The following VPS8 variants were observed in gnomAD, a reference collection of about 807,000 sequenced individuals.
VPS8 encodes vacuolar protein sorting-associated protein 8 homolog.
Under a neutral mutation model 216.4 loss-of-function variants are expected in VPS8, and 129 were observed. The observed-to-expected ratio is 0.60, with a 90% CI of 0.52 to 0.69. The LOEUF (loss-of-function observed/expected upper bound fraction) is 0.69. Ranked by LOEUF, VPS8 falls within the 30% of genes least tolerant of loss-of-function variation. The pLI is 0.00. For synonymous variants in VPS8, 571 were observed against 565.4 expected (o/e 1.01, Z -0.14); for missense variants, 1,531 against 1,683.5 (o/e 0.91, Z 1.59).
In VPS8 at chr3:184,854,030, A is replaced by T. The variant is rs371409951; in HGVS notation, c.975+20A>T. The T allele has an allele frequency of 1.4e-3, 2,263 of 1,613,154 alleles. 2 individuals carry two copies. Among genetic ancestry groups the T allele is most frequent in the Non-Finnish European group, 1.4e-3 (1,687 of 1,179,424 alleles). On this transcript the variant is annotated intron_variant, in intron 12 of 47. Transcript: ENST00000625842. ...ACAAAAGTAAGTGTATTTAGAAGTT[A>T]AAACTCAGAACTTTTAGAAGCTTTG...
intron 46 of VPS8, among the ~76,000 whole-genome samples, chr3:185,044,719 G>A (rs1712475629): frequency 6.6e-6 from 1 of 152,066 alleles, no homozygotes; most frequent in East Asian, 1.9e-4. Context: ...TGAATCTCCT[G>A]CAGAGACTTT....
Position 184,870,725 on chromosome 3 carries a change from A to G in VPS8, c.1654A>G (p.Ile552Val), listed in dbSNP as rs1728178579. ...KAIVADRMVE[I>V]LFHYADRALK... The stretch of plus-strand genomic sequence containing the variant: ...GCTGTTTTCCTTACAGATGGTAGAA[A>G]TCCTATTCCATTATGCAGATCGAGC... Residue 552 changes from isoleucine (I) to valine (V), a missense_variant, in exon 21 of 48, where the codon ATC becomes GTC. Physicochemically the swap from Ile to Val is conservative, Grantham distance 29 (BLOSUM62 3). Coordinates refer to ENST00000625842, the MANE Select transcript of VPS8 (RefSeq NM_001009921.3). 6.2e-7 allele frequency: 1 copy of G among 1,611,358 alleles called. No individual in the cohort carries two copies. The highest frequency in any genetic ancestry group is 8.5e-7 in the Non-Finnish European group (1 of 1,178,616).
chr3:184,993,264 T>G (rs142821629), intron 42 of VPS8, among the ~76,000 whole-genome samples: 1,617 of 152,254 alleles, frequency 0.011, 31 homozygotes, highest in African/African-American at 0.036. Flanking sequence ...GAAACAAGAC[T>G]AGAGAAATAT....
chr3:184,954,344 G>A (rs1745217468), intron 36 of VPS8, among the ~76,000 whole-genome samples: 1 of 152,086 alleles, frequency 6.6e-6, no homozygotes, highest in Non-Finnish European at 1.5e-5. Flanking sequence ...GTTGGCCATT[G>A]GTGATCAAGT....
Position 184,832,787 on chromosome 3 carries a change from C to T in VPS8, c.321C>T (p.Ser107=). ...SHSYDTSSVA[S]SDSGDRTNLK... ...CCTATGATACTTCATCTGTGGCAAGCTCAGATAGTGGTGACAGGACCAACT... is the reference window on the plus strand; with the variant it reads ...CCTATGATACTTCATCTGTGGCAAGTTCAGATAGTGGTGACAGGACCAACT... Residue 107 remains serine (S), a synonymous_variant, in exon 4 of 48, where the codon AGC becomes AGT. Transcript: ENST00000625842. 1 of 1,610,268 alleles carries T rather than the reference C, an allele frequency of 6.2e-7. No individual in the cohort carries two copies. The highest frequency in any genetic ancestry group is 8.5e-7 in the Non-Finnish European group (1 of 1,177,970).
intron 17 of VPS8, among the ~76,000 whole-genome samples, 197 bp downstream of exon 17, chr3:184,867,147 G>T (rs1727513408): frequency 6.6e-6 from 1 of 152,048 alleles, no homozygotes; most frequent in African/African-American, 2.4e-5. Context: ...CTTTACTTTT[G>T]TTTAGGTGCT....
At chr3:184,916,744 G>T (rs1052937223) in intron 28 of VPS8, among the ~76,000 whole-genome samples, 5 of 152,080 alleles carry the variant, frequency 3.3e-5, no homozygotes, top group African/African-American at 4.8e-5. Flanking sequence ...AGGAAAAAAA[G>T]AAACAAGAAG....
At chr3:184,957,254 T>G in intron 36 of VPS8, 120 bp from the exon 37 acceptor site, 3 of 1,035,392 alleles carry the variant, frequency 2.9e-6, no homozygotes. Flanking sequence ...TTCATATTTT[T>G]ATCTGACCAG....
At chr3:184,852,659 TGTAATTGAGA>T (rs1724532881) in intron 11 of VPS8, 92 bp downstream of exon 11, 1 of 1,206,038 alleles carries the variant, frequency 8.3e-7, no homozygotes, top group African/African-American at 1.5e-5. Context: ...AGAAAGCCCC[TGTAATTGAGA>T]GTAGATTATG....
At chr3:185,018,859 G>A (rs989170840) in intron 45 of VPS8, among the ~76,000 whole-genome samples, 2 of 152,120 alleles carry the variant, frequency 1.3e-5, no homozygotes, top group African/African-American at 4.8e-5. Flanking sequence ...GAGAGTGGTC[G>A]CTCGAGGCGC....
intron 14 of VPS8, among the ~76,000 whole-genome samples, chr3:184,859,365 G>A (rs1038060776): frequency 6.6e-6 from 1 of 152,054 alleles, no homozygotes; most frequent in African/African-American, 2.4e-5. Context: ...GTTTGTTCTT[G>A]CTTAAATTTT....
chr3:184,860,468 TACACACACACACAC>T (rs59791657), intron 15 of VPS8, among the ~76,000 whole-genome samples: 5 of 147,212 alleles, frequency 3.4e-5, no homozygotes, highest in African/African-American at 1.0e-4. Context: ...TACACACACA[TACACACACACACAC>T]ACACACACAC....
At position 184,849,212 on chromosome 3, in the gene VPS8, C is replaced by T. The variant is rs1723780901; in HGVS notation, c.666+17C>T. 1 of 1,605,344 alleles carries T rather than the reference C, an allele frequency of 6.2e-7. No individual in the cohort carries two copies. The highest frequency in any genetic ancestry group is 8.5e-7 in the Non-Finnish European group (1 of 1,176,486). On this transcript the variant is annotated intron_variant, in intron 9 of 47. Transcript: ENST00000625842. ...AAAGGACAGGTAAGATATGAACCTC[C>T]TTTAATTCATAAGACAATGTTAAAA...
intron 46 of VPS8, among the ~76,000 whole-genome samples, chr3:185,045,628 G>A (rs780060798): frequency 2.0e-5 from 3 of 152,062 alleles, no homozygotes; most frequent in South Asian, 2.1e-4. Flanking sequence ...AAAACTAGCC[G>A]AGCATGGTGG....
intron 23 of VPS8, 77 bp from the exon 24 acceptor site, chr3:184,898,488 C>A: frequency 8.7e-7 from 1 of 1,144,136 alleles, no homozygotes; most frequent in Non-Finnish European, 1.3e-6. Flanking sequence ...CATTCAAGAC[C>A]TTTCCCATTC....
chr3:184,920,544 A>G (rs1041070520), intron 29 of VPS8, among the ~76,000 whole-genome samples: 1 of 152,252 alleles, frequency 6.6e-6, no homozygotes. Flanking sequence ...CCTGTGTCTC[A>G]TGCCAACTTC....
chr3:184,842,209 A>AAG (rs1553828675), intron 7 of VPS8, among the ~76,000 whole-genome samples: 3 of 149,376 alleles, frequency 2.0e-5, no homozygotes, highest in East Asian at 2.0e-4. Flanking sequence ...AAAAAAAAAA[A>AAG]GAATATGTGA....
rs147361999 is a variant in VPS8, at chr3:184,906,586, A to G, written c.2146+5614A>G. On this transcript the variant is annotated intron_variant, in intron 25 of 47. Transcript: ENST00000625842. ...AGGACTATGATTACTCAAAAACCCA[A>G]TGAGGTACAGATGCATCCTTTCTTA... Among the ~76,000 whole-genome samples, 271 of 152,342 alleles carry G rather than the reference A, an allele frequency of 1.8e-3. 1 individual carries two copies. The highest frequency in any genetic ancestry group is 6.1e-3 in the African/African-American group (252 of 41,572).
chr3:184,895,555 A>G (rs931531574), intron 23 of VPS8, among the ~76,000 whole-genome samples: 4 of 135,838 alleles, frequency 2.9e-5, no homozygotes, highest in Admixed American at 8.1e-5. Flanking sequence ...ATTCTGGCCT[A>G]AGACATTTCA....
Sources: allele counts gnomAD v4.1 joint callset (sites outside exome capture counted in the v4.1 genomes callset), GRCh38; gene constraint gnomAD v4.1.1; transcripts MANE v1.5; gene names NCBI Gene and HGNC (gene_info 2026-07-23, HGNC 2026-07-21).